Variants in PLB1 observed in about 807,000 individuals in gnomAD.
The protein encoded by PLB1 is phospholipase B1.
A neutral mutation model predicts 227.4 loss-of-function variants in PLB1; 242 were observed. That is an observed-to-expected ratio of 1.06 (90% CI 0.96 to 1.18). The LOEUF (loss-of-function observed/expected upper bound fraction) is 1.18. PLB1 is among the 50% of genes most tolerant of loss of function. The pLI is 0.00. For missense variants in PLB1, 1,858 were observed against 1,816.3 expected (o/e 1.02, Z -0.42); for synonymous variants, 757 against 682.2 (o/e 1.11, Z -1.71).
intron 1 of PLB1, among the ~76,000 whole-genome samples, chr2:28,501,903 A>G (rs1667147991): frequency 6.6e-6 from 1 of 152,160 alleles, no homozygotes; most frequent in African/African-American, 2.4e-5. Context: ...TTGCTATTAC[A>G]AATACTACTG....
intron 51 of PLB1, 60 bp downstream of exon 51, chr2:28,626,568 T>C (rs10186023): frequency 0.18 from 267,717 of 1,451,094 alleles, 27,790 homozygotes; most frequent in Middle Eastern, 0.25. Context: ...TCTGGCAACA[T>C]CCTTGCCCAT....
chr2:28,602,061 A>G (rs574236359), intron 38 of PLB1, 97 bp downstream of exon 38: 129 of 1,218,948 alleles, frequency 1.1e-4, no homozygotes, highest in Non-Finnish European at 1.2e-4. Flanking sequence ...CTTTCTCTCA[A>G]GGAGACAGCC....
Position 28,579,584 on chromosome 2 carries a change from C to T in PLB1, c.1486-43C>T, listed in dbSNP as rs377295534. 8 of 1,516,416 alleles carry T rather than the reference C, an allele frequency of 5.3e-6. No individual in the cohort carries two copies. The East Asian group carries it at 1.8e-4, about 34-fold the overall frequency. The allele number at this position is 1,516,416 out of a possible 1,614,324, so 93.9% of individuals were successfully genotyped here. ...GCATTTTGTGTTTTCCTTGACTTGACTCTGGGACAAGGTGCTTACTTCTGT... is the reference window on the plus strand; with the variant it reads ...GCATTTTGTGTTTTCCTTGACTTGATTCTGGGACAAGGTGCTTACTTCTGT... On this transcript the variant is annotated intron_variant, in intron 22 of 57. Coordinates refer to ENST00000327757, the MANE Select transcript of PLB1 (RefSeq NM_153021.5).
intron 1 of PLB1, among the ~76,000 whole-genome samples, chr2:28,504,663 A>G (rs969936336): frequency 6.6e-6 from 1 of 152,080 alleles, no homozygotes; most frequent in Non-Finnish European, 1.5e-5. Context: ...AATTACTTGA[A>G]CCTGGGAGGT....
chr2:28,511,224 G>A (rs1452147815), intron 1 of PLB1, among the ~76,000 whole-genome samples: 1 of 151,760 alleles, frequency 6.6e-6, no homozygotes, highest in Non-Finnish European at 1.5e-5. Flanking sequence ...TTTATATTAG[G>A]GTTGGCAAAC....
chr2:28,604,107 C>T, intron 40 of PLB1, 60 bp downstream of exon 40: 1 of 1,477,412 alleles, frequency 6.8e-7, no homozygotes, highest in Non-Finnish European at 9.5e-7. Flanking sequence ...TAACACACAG[C>T]CCAGAGCCCC....
intron 47 of PLB1, 79 bp from the exon 48 acceptor site, chr2:28,620,521 C>A: frequency 6.6e-7 from 1 of 1,511,274 alleles, no homozygotes; most frequent in Non-Finnish European, 9.0e-7. Flanking sequence ...AACCCGGTTC[C>A]GGTTCTGGCT....
At chr2:28,620,747 G>T in intron 48 of PLB1, 104 bp downstream of exon 48, 2 of 1,557,392 alleles carry the variant, frequency 1.3e-6, no homozygotes, top group South Asian at 2.2e-5. Flanking sequence ...AAGAAGGGAA[G>T]TCAGCCAGCC....
intron 9 of PLB1, among the ~76,000 whole-genome samples, chr2:28,537,748 G>A (rs1015292156): frequency 6.6e-6 from 1 of 151,652 alleles, no homozygotes; most frequent in Non-Finnish European, 1.5e-5. Flanking sequence ...GAAGGGGAGT[G>A]GTGTGTGTGT....
rs140999955 is a variant in PLB1, at chr2:28,525,838, A to AG, written c.285-63dup. On this transcript the variant is annotated intron_variant, in intron 5 of 57. Transcript: ENST00000327757. ...ACTACTATGAAATAGACCACAGCCA[A>AG]GGGGAAGGGCTATTGGCAGGTGACA... 1.2e-3 allele frequency: 1,877 copies of AG among 1,580,604 alleles called. 30 individuals carry two copies. In the African/African-American group the frequency reaches 0.02, roughly 17 times the overall value.
intron 26 of PLB1, 38 bp downstream of exon 26, chr2:28,585,880 CTG>C (rs775116146): frequency 6.7e-7 from 1 of 1,502,612 alleles, no homozygotes; most frequent in Non-Finnish European, 9.3e-7. Context: ...CCCAGAACTG[CTG>C]TGTGATTCGA....
chr2:28,608,501 C>T (rs184230018), intron 43 of PLB1, among the ~76,000 whole-genome samples: 5 of 152,332 alleles, frequency 3.3e-5, no homozygotes, highest in Admixed American at 2.6e-4. Flanking sequence ...CGCAGTCTAA[C>T]TGCTCATACG....
chr2:28,628,507 C>G (rs1688124420), intron 51 of PLB1, 56 bp from the exon 52 acceptor site: 37 of 1,522,982 alleles, frequency 2.4e-5, no homozygotes, highest in Non-Finnish European at 3.3e-5. Flanking sequence ...TATGCTCTTG[C>G]CATTCTCTCA....
rs1205619190 is a variant in PLB1, at chr2:28,632,993, C to G, written c.4052C>G (p.Ser1351Ter). The G allele has an allele frequency of 6.2e-7, 1 of 1,608,030 alleles. No homozygotes were observed. ...TFFSEDCFHF[S>*]DRGHAEMAIA... ...TTCTCCGAGGACTGTTTTCACTTCT[C>G]AGACCGCGGGCATGCCGAGATGGCC... The change falls in exon 56 of 58, where the codon TCA (serine) becomes TGA (stop). Residue 1351 changes from serine to a stop codon, truncating the protein, a stop_gained. Transcript: ENST00000327757. LOFTEE classifies it high-confidence loss of function.
At chr2:28,508,345 G>A (rs1667863140) in intron 1 of PLB1, among the ~76,000 whole-genome samples, 1 of 152,152 alleles carries the variant, frequency 6.6e-6, no homozygotes, top group Non-Finnish European at 1.5e-5. Flanking sequence ...CCTCAGAAGG[G>A]TTCTCTGCTC....
intron 4 of PLB1, among the ~76,000 whole-genome samples, 174 bp downstream of exon 4, chr2:28,519,937 T>G (rs556974902): frequency 6.6e-5 from 10 of 151,852 alleles, no homozygotes; most frequent in Non-Finnish European, 1.5e-4. Flanking sequence ...ATTTATTTAT[T>G]TATTTATTTT....
At chr2:28,606,008 C>T in intron 42 of PLB1, 60 bp downstream of exon 42, 1 of 1,369,294 alleles carries the variant, frequency 7.3e-7, no homozygotes, top group Non-Finnish European at 1.0e-6. Flanking sequence ...GGGCACCAGC[C>T]CCTATAGAAT....
At chr2:28,497,699 C>T (rs181895365) in intron 1 of PLB1, among the ~76,000 whole-genome samples, 2 of 152,046 alleles carry the variant, frequency 1.3e-5, no homozygotes, top group South Asian at 2.1e-4. Context: ...GTGGTCCCAC[C>T]GTTGTCCATT....
intron 1 of PLB1, among the ~76,000 whole-genome samples, chr2:28,509,915 G>C (rs1163323503): frequency 6.6e-6 from 1 of 152,158 alleles, no homozygotes; most frequent in Non-Finnish European, 1.5e-5. Flanking sequence ...GTCGCTCCAA[G>C]GGTTAGTGGG....
Sources: allele counts gnomAD v4.1 joint callset (sites outside exome capture counted in the v4.1 genomes callset), GRCh38; gene constraint gnomAD v4.1.1; transcripts MANE v1.5; gene names NCBI Gene and HGNC (gene_info 2026-07-23, HGNC 2026-07-21).